FRMD4B: variants seen among roughly 807,000 people sequenced by gnomAD.
The protein encoded by FRMD4B is FERM domain containing 4B, also known as FERM domain-containing protein 4B.
A neutral mutation model predicts 141.5 loss-of-function variants in FRMD4B; 74 were observed. That is an observed-to-expected ratio of 0.52 (90% CI 0.43 to 0.63). The LOEUF is 0.63. FRMD4B is among the 30% of genes least tolerant of loss of function. The pLI, the probability that FRMD4B is intolerant of heterozygous loss-of-function variation, is 0.00. For missense variants in FRMD4B, 1,366 were observed against 1,253.4 expected, an observed-to-expected ratio of 1.09 and a Z score of -1.36; for synonymous variants, 506 against 467.9, an observed-to-expected ratio of 1.08 and a Z score of -1.05.
intron 9 of FRMD4B, among the ~76,000 whole-genome samples, chr3:69,218,844 T>C (rs1575621796): frequency 6.6e-6 from 1 of 152,302 alleles, no homozygotes; most frequent in South Asian, 2.1e-4. Context: ...CTATGAATTA[T>C]GGTATGTAAA....
At chr3:69,402,663 T>C (rs183230745) in intron 2 of FRMD4B, among the ~76,000 whole-genome samples, 1 of 152,294 alleles carries the variant, frequency 6.6e-6, no homozygotes, top group East Asian at 1.9e-4. Context: ...ACATAAGATG[T>C]ACAAAATGAA....
At chr3:69,379,022 C>A (rs1247077093) in intron 1 of FRMD4B, among the ~76,000 whole-genome samples, 3 of 152,162 alleles carry the variant, frequency 2.0e-5, no homozygotes, top group African/African-American at 7.2e-5. Context: ...CTTTCATAGA[C>A]CTTGGTTTCC....
intron 7 of FRMD4B, among the ~76,000 whole-genome samples, chr3:69,238,645 G>T (rs145093518): frequency 6.6e-6 from 1 of 152,088 alleles, no homozygotes; most frequent in South Asian, 2.1e-4. Context: ...TTAATCAGAC[G>T]TGGGGTACAC....
Position 69,492,071 on chromosome 3 carries a change from C to T in FRMD4B, c.-129+50135G>A, listed in dbSNP as rs549661250. 4.6e-5 allele frequency among the ~76,000 whole-genome samples: 7 copies of T among 152,312 alleles called. No homozygotes were observed. The East Asian group carries it at 7.7e-4, about 17-fold the overall frequency. ...GGCTCTAGTCTTAGCCTTGCAATTA[C>T]ATCCTGCCCTGGCAGGAAGCTGAAC... is the stretch of plus-strand genomic sequence containing the variant. On this transcript the variant is annotated intron_variant, in intron 1 of 5. Coordinates refer to the FRMD4B transcript ENST00000459638.
intron 1 of FRMD4B, among the ~76,000 whole-genome samples, chr3:69,449,638 T>C (rs1044090979): frequency 2.0e-5 from 3 of 152,136 alleles, no homozygotes; most frequent in African/African-American, 7.2e-5. Flanking sequence ...CAGCCTGAGG[T>C]CAGACAACCA....
intron 2 of FRMD4B, among the ~76,000 whole-genome samples, chr3:69,427,772 C>T (rs1041286096): frequency 6.8e-6 from 1 of 147,918 alleles, no homozygotes; most frequent in African/African-American, 2.5e-5. Flanking sequence ...TCTCCTGCCT[C>T]AGCCTCCCAA....
chr3:69,258,859 C>G (rs1376815673), intron 5 of FRMD4B, among the ~76,000 whole-genome samples: 1 of 152,122 alleles, frequency 6.6e-6, no homozygotes, highest in Non-Finnish European at 1.5e-5. Flanking sequence ...TTCTGAAACT[C>G]AGCTCCTCAT....
intron 1 of FRMD4B, among the ~76,000 whole-genome samples, chr3:69,534,451 A>C (rs1701053926): frequency 6.6e-6 from 1 of 152,242 alleles, no homozygotes; most frequent in Non-Finnish European, 1.5e-5. Flanking sequence ...TACCCACTTT[A>C]GTAAACACAG....
chr3:69,471,680 T>C, intron 1 of FRMD4B: 1 of 172,558 alleles, frequency 5.8e-6, no homozygotes, highest in Non-Finnish European at 1.3e-5. Flanking sequence ...TGACCATTCC[T>C]CAATGAGCTC....
intron 1 of FRMD4B, among the ~76,000 whole-genome samples, chr3:69,445,660 C>G (rs1043757440): frequency 2.6e-5 from 4 of 152,178 alleles, no homozygotes; most frequent in African/African-American, 7.2e-5. Flanking sequence ...CTTACTGGGT[C>G]AAGTCCATTC....
chr3:69,482,314 C>T (rs1045556075), intron 1 of FRMD4B, among the ~76,000 whole-genome samples: 1 of 152,092 alleles, frequency 6.6e-6, no homozygotes, highest in African/African-American at 2.4e-5. Flanking sequence ...GTGGCCCTAA[C>T]TAAGAATATC....
chr3:69,249,841 T>C (rs1346859957), intron 6 of FRMD4B, among the ~76,000 whole-genome samples: 1 of 152,234 alleles, frequency 6.6e-6, no homozygotes, highest in Non-Finnish European at 1.5e-5. Flanking sequence ...TCATTTTTCT[T>C]TGAGACTCAC....
intron 1 of FRMD4B, among the ~76,000 whole-genome samples, chr3:69,496,024 T>G (rs1295702442): frequency 1.3e-5 from 2 of 152,204 alleles, no homozygotes; most frequent in Non-Finnish European, 2.9e-5. Context: ...AGTAGGTTAG[T>G]TTATATTTCA....
At chr3:69,501,015 T>G (rs1052546992) in intron 1 of FRMD4B, among the ~76,000 whole-genome samples, 3 of 152,136 alleles carry the variant, frequency 2.0e-5, no homozygotes, top group Non-Finnish European at 4.4e-5. Flanking sequence ...CTGGAAGCAG[T>G]GTGGTGTAGT....
At chr3:69,342,482 T>G (rs1157314855) in intron 1 of FRMD4B, among the ~76,000 whole-genome samples, 1 of 152,198 alleles carries the variant, frequency 6.6e-6, no homozygotes, top group African/African-American at 2.4e-5. Flanking sequence ...ATTCATTACT[T>G]TGTACACTCA....
At chr3:69,455,562 C>G (rs567908177) in intron 1 of FRMD4B, among the ~76,000 whole-genome samples, 1 of 152,144 alleles carries the variant, frequency 6.6e-6, no homozygotes, top group Non-Finnish European at 1.5e-5. Context: ...ACTACGAACA[C>G]GTCCGACGGA....
intron 5 of FRMD4B, among the ~76,000 whole-genome samples, chr3:69,267,597 A>G (rs1213926257): frequency 1.0e-5 from 1 of 95,276 alleles, no homozygotes; most frequent in South Asian, 4.1e-4. Context: ...GTGTGTGTGT[A>G]TATATATATA....
At position 69,539,488 on chromosome 3, in the gene FRMD4B, T is replaced by A. The variant is rs181648683; in HGVS notation, c.-129+2718A>T. On this transcript the variant is annotated intron_variant, in intron 1 of 5. Transcript: ENST00000459638. ...CCCATTCACTTTTCTGCCACTAAGATAGAAATTTATTAATTTCAAAACAAA... is the reference window on the plus strand; with the variant it reads ...CCCATTCACTTTTCTGCCACTAAGAAAGAAATTTATTAATTTCAAAACAAA... Among the ~76,000 whole-genome samples, 395 of 152,328 alleles carry A rather than the reference T, an allele frequency of 2.6e-3. 3 individuals carry two copies. The highest frequency in any genetic ancestry group is 9.3e-3 in the African/African-American group (385 of 41,566).
chr3:69,453,986 G>C (rs899602116), intron 1 of FRMD4B, among the ~76,000 whole-genome samples: 3 of 152,158 alleles, frequency 2.0e-5, no homozygotes, highest in Admixed American at 1.3e-4. Flanking sequence ...ACCCAAGCTG[G>C]ATCACAGTGG....
Sources: gnomAD v4.1 joint callset for allele counts (sites outside exome capture counted in the v4.1 genomes callset) on GRCh38, gnomAD v4.1.1 for gene constraint, MANE v1.5 for transcripts, NCBI Gene and HGNC (gene_info 2026-07-23, HGNC 2026-07-21) for gene names.